Variants in C2CD2L observed in about 807,000 individuals in gnomAD.
C2CD2L encodes the protein phospholipid transfer protein C2CD2L.
Under a neutral mutation model 69.9 loss-of-function variants are expected in C2CD2L, and 24 were observed. The observed-to-expected ratio is 0.34, with a 90% confidence interval of 0.25 to 0.48. The LOEUF is 0.48. Among genes scored for constraint, C2CD2L ranks in the 20% least tolerant of loss-of-function variants. The pLI, the probability that C2CD2L is intolerant of heterozygous loss-of-function variation, is 0.99. For synonymous variants in C2CD2L, 367 were observed against 391.0 expected (o/e 0.94, Z 0.72); for missense variants, 811 against 941.5 (o/e 0.86, Z 1.81).
In C2CD2L at chr11:119,114,463, A is replaced by T; in HGVS notation, c.1909+98A>T. ...CAGTGTGCCTTCTCCTTCCTCCCCTAAGAGATAGCCGGATTCCCAGCCTAG... is the reference window on the plus strand; with the variant it reads ...CAGTGTGCCTTCTCCTTCCTCCCCTTAGAGATAGCCGGATTCCCAGCCTAG... On this transcript the variant is annotated intron_variant, in intron 13 of 13. Transcript: ENST00000648610. This position sits in a 1 kb window ranked among gnomAD's most constrained non-coding sequence, Gnocchi z 5.1. The T allele has an allele frequency of 8.1e-7, 1 of 1,231,692 alleles. No individual in the cohort carries two copies. Among genetic ancestry groups the T allele is most frequent in the Admixed American group, 1.9e-5 (1 of 53,358 alleles). 76.3% of individuals were successfully genotyped at this position (1,231,692 alleles called of 1,614,324 possible).
chr11:119,116,036 C>G lies in C2CD2L; in HGVS notation c.1910-9C>G, dbSNP rs571400637. 14 of 1,613,172 alleles carry G rather than the reference C, an allele frequency of 8.7e-6. No homozygotes were observed. In the East Asian group the frequency reaches 1.1e-4, roughly 13 times the overall value. ...CCTCTCTGCCTCAGCTTCCCCTCTT[C>G]CCCTGCAGTGAGTTTCCTGCGCAGC... On this transcript the variant is annotated splice_polypyrimidine_tract_variant and intron_variant, in intron 13 of 13. Coordinates refer to ENST00000648610, the MANE Select transcript of C2CD2L (RefSeq NM_001290474.2).
chr11:119,111,738 G>A (rs1946749113), intron 7 of C2CD2L, 109 bp downstream of exon 7: 1 of 746,468 alleles, frequency 1.3e-6, no homozygotes, highest in African/African-American at 1.8e-5. Flanking sequence ...TTTGGCGTGA[G>A]CTCCTATTGT....
intron 11 of C2CD2L, 25 bp downstream of exon 11, chr11:119,113,737 G>C (rs755450076): frequency 6.2e-7 from 1 of 1,613,806 alleles, no homozygotes; most frequent in Non-Finnish European, 8.5e-7. Flanking sequence ...GGGTGCATGA[G>C]TGTGGGTTGG....
At chr11:119,104,423 G>A (rs1417861378), upstream of C2CD2L, among the ~76,000 whole-genome samples, 4 of 152,154 alleles carry the variant, frequency 2.6e-5, no homozygotes, top group Admixed American at 2.6e-4. Context: ...TCAAAGACAA[G>A]AGAGACTAAG....
chr11:119,112,146 A>G, intron 7 of C2CD2L, 182 bp from the exon 8 acceptor site: 1 of 601,178 alleles, frequency 1.7e-6, no homozygotes. Flanking sequence ...CATGGTTTCC[A>G]CTCAGGCCCT....
chr11:119,105,710 A>T (rs1016396944), upstream of C2CD2L, among the ~76,000 whole-genome samples: 3 of 152,010 alleles, frequency 2.0e-5, no homozygotes, highest in African/African-American at 7.2e-5. Context: ...GTAGACTCAC[A>T]GTTCAGATAC....
chr11:119,113,194 T>G, intron 10 of C2CD2L: 1 of 438,104 alleles, frequency 2.3e-6, no homozygotes, highest in East Asian at 4.2e-5. Context: ...CTGACTATAA[T>G]TGTCCATCCT....
chr11:119,115,878 T>C (rs1037713832), intron 13 of C2CD2L, 167 bp from the exon 14 acceptor site: 8 of 607,352 alleles, frequency 1.3e-5, no homozygotes, highest in Non-Finnish European at 2.3e-5. Context: ...TCACGAAGCC[T>C]TATGGAGAAG....
rs1946800645 is a variant in C2CD2L, at chr11:119,113,406, G to A, written c.1388-205G>A. ...TAGCATCTCCCCACACCTTCAGCAG[G>A]CCCCATGGCACTTTCCTACACTCCC... On this transcript the variant is annotated intron_variant, in intron 10 of 13. Coordinates refer to ENST00000648610, the MANE Select transcript of C2CD2L (RefSeq NM_001290474.2). The A allele has an allele frequency of 6.2e-6, 4 of 647,796 alleles. No homozygotes were observed. The Admixed American group carries it at 9.1e-5, about 15-fold the overall frequency. 40.1% of individuals were successfully genotyped at this position (647,796 alleles called of 1,614,324 possible). A position where few individuals can be genotyped will look rare whatever the true frequency, so the allele number is the denominator to read the frequency against.
chr11:119,113,569 C>A (rs1223441391), intron 10 of C2CD2L, 42 bp from the exon 11 acceptor site: 1 of 1,584,196 alleles, frequency 6.3e-7, no homozygotes, highest in Non-Finnish European at 8.6e-7. Context: ...GGGGGCCACT[C>A]TGAAGCAACT....
intron 7 of C2CD2L, 63 bp from the exon 8 acceptor site, chr11:119,112,265 A>G (rs1025972301): frequency 7.0e-5 from 102 of 1,449,770 alleles, no homozygotes; most frequent in Non-Finnish European, 5.7e-6. Context: ...CCTGTGATCC[A>G]CTCAAGTGTG....
upstream of C2CD2L, chr11:119,107,077 G>C (rs947159727): frequency 1.3e-5 from 2 of 152,260 alleles, no homozygotes; most frequent in Admixed American, 1.3e-4. This position sits in a 1 kb window ranked among gnomAD's most constrained non-coding sequence, Gnocchi z 5.4. Flanking sequence ...ACAGGCGTCC[G>C]ACCTGTGGAA....
chr11:119,105,883 C>A (rs1022574926), upstream of C2CD2L, among the ~76,000 whole-genome samples: 1 of 152,170 alleles, frequency 6.6e-6, no homozygotes, highest in African/African-American at 2.4e-5. Context: ...TCTACCTGGA[C>A]AACTTCCTGC....
At position 119,118,482 on chromosome 11, in the gene C2CD2L, T is replaced by C. The variant is rs1946944174; in HGVS notation, c.*2226T>C. 1 of 152,418 alleles carries C rather than the reference T, an allele frequency of 6.6e-6. No individual in the cohort carries two copies. Among genetic ancestry groups the C allele is most frequent in the Non-Finnish European group, 1.5e-5 (1 of 68,034 alleles). The allele number at this position is 152,418 out of a possible 1,614,324, so 9.4% of individuals were successfully genotyped here. A position where few individuals can be genotyped will look rare whatever the true frequency, so the allele number is the denominator to read the frequency against. On this transcript the variant is annotated 3_prime_UTR_variant, in exon 14 of 14. Transcript: ENST00000648610. ...TGTGTGTGTGTGTGTTGGGCGATGA[T>C]AATGATGTCCATTGCTGTGTGACAG... is the stretch of plus-strand genomic sequence containing the variant.
Position 119,110,567 on chromosome 11 carries a change from C to T in C2CD2L, c.457C>T (p.Arg153Cys), listed in dbSNP as rs376805740. Residue 153 changes from arginine (R) to cysteine (C), a missense_variant, in exon 3 of 14, where the codon CGT becomes TGT. Transcript: ENST00000648610. The surrounding 1 kb of genome is among the most constrained non-coding windows in gnomAD (Gnocchi z 5.7). ...VDQSEHTMVL[R>C]CQLSAEEVRF... The stretch of plus-strand genomic sequence containing the variant: ...CCCACCTCGCCGGTCTCAGGTGCTG[C>T]GTTGCCAGCTCTCTGCTGAGGAGGT... The T allele has an allele frequency of 2.8e-5, 45 of 1,608,044 alleles. No homozygotes were observed. Among genetic ancestry groups the T allele is most frequent in the African/African-American group, 6.7e-5 (5 of 74,780 alleles).
chr11:119,116,420 G>A lies in C2CD2L; in HGVS notation c.*164G>A. The A allele has an allele frequency of 1.6e-6, 1 of 630,654 alleles. No individual in the cohort carries two copies. Among genetic ancestry groups the A allele is most frequent in the Non-Finnish European group, 2.8e-6 (1 of 360,822 alleles). The allele number at this position is 630,654 out of a possible 1,614,324, so 39.1% of individuals were successfully genotyped here. On this transcript the variant is annotated 3_prime_UTR_variant, in exon 14 of 14. Transcript: ENST00000648610. The stretch of plus-strand genomic sequence containing the variant: ...CCGGTTGGAAGGATACTTGGAACGG[G>A]AAGCACATGAGAGGTGGGCACCCGG...
At chr11:119,106,375 G>T (rs1281127206), upstream of C2CD2L, among the ~76,000 whole-genome samples, 1 of 152,210 alleles carries the variant, frequency 6.6e-6, no homozygotes, top group Non-Finnish European at 1.5e-5. Flanking sequence ...TGAAGAAGGG[G>T]CTCTTGGGAG....
At chr11:119,113,825 C>G (rs778982803) in intron 11 of C2CD2L, 30 bp from the exon 12 acceptor site, 4 of 1,612,254 alleles carry the variant, frequency 2.5e-6, no homozygotes, top group South Asian at 1.1e-5. Context: ...AGGGAGAAGT[C>G]AGGTTATTCA....
In C2CD2L at chr11:119,110,118, C is replaced by A; in HGVS notation, c.369C>A (p.Ile123=). The A allele has an allele frequency of 6.2e-7, 1 of 1,613,108 alleles. No homozygotes were observed. Among genetic ancestry groups the A allele is most frequent in the East Asian group, 2.2e-5 (1 of 44,878 alleles). ...TACTCCCTCAGAGCTCCATCCAAAT[C>A]GCCTTTGAGGAGGTGCCCCAACTCC... ...QACRNGSSIQ[I]AFEEVPQLPP... Residue 123 remains isoleucine, a synonymous_variant, in exon 2 of 14, where the codon ATC becomes ATA. Transcript: ENST00000648610. The surrounding 1 kb of genome is among the most constrained non-coding windows in gnomAD (Gnocchi z 5.7).
Sources: allele counts gnomAD v4.1 joint callset (sites outside exome capture counted in the v4.1 genomes callset), GRCh38; gene constraint gnomAD v4.1.1; non-coding constraint Gnocchi (gnomAD v3.1); transcripts MANE v1.5; gene names NCBI Gene and HGNC (gene_info 2026-07-23, HGNC 2026-07-21).